The following PROS1 variants were observed in gnomAD, a reference collection of about 807,000 sequenced individuals.
PROS1 encodes protein S.
A neutral mutation model predicts 75.9 loss-of-function variants in PROS1; 29 were observed. That is an observed-to-expected ratio of 0.38 (90% CI 0.28 to 0.52). PROS1 has a LOEUF of 0.52. PROS1 is among the 20% of genes least tolerant of loss of function. The pLI is 0.83. For missense variants in PROS1, 680 were observed against 810.3 expected, an observed-to-expected ratio of 0.84 and a Z score of 1.95; for synonymous variants, 245 against 280.6, an observed-to-expected ratio of 0.87 and a Z score of 1.27.
chr3:93,894,013 C>T (rs1422261361), intron 9 of PROS1, among the ~76,000 whole-genome samples: 1 of 152,058 alleles, frequency 6.6e-6, no homozygotes, highest in Non-Finnish European at 1.5e-5. Context: ...TTCCAAGGGA[C>T]TAGCAAATCC....
intron 3 of PROS1, among the ~76,000 whole-genome samples, chr3:93,911,681 A>G (rs978451416): frequency 6.6e-6 from 1 of 152,156 alleles, no homozygotes; most frequent in African/African-American, 2.4e-5. Context: ...TCATGCTTCA[A>G]AGTTCTCCAC....
At chr3:93,967,427 T>C (rs1018137482) in intron 1 of PROS1, among the ~76,000 whole-genome samples, 10 of 152,344 alleles carry the variant, frequency 6.6e-5, no homozygotes, top group African/African-American at 2.2e-4. Context: ...GGAAGGATTA[T>C]AGTTTTCCTT....
At chr3:93,881,728 T>G (rs1187327535) in intron 12 of PROS1, among the ~76,000 whole-genome samples, 2 of 151,968 alleles carry the variant, frequency 1.3e-5, no homozygotes, top group African/African-American at 4.8e-5. Context: ...CTTGGCTAAT[T>G]TTTGTATTTT....
chr3:93,884,431 C>T (rs180849506), intron 12 of PROS1, among the ~76,000 whole-genome samples: 242 of 152,208 alleles, frequency 1.6e-3, no homozygotes, highest in Middle Eastern at 6.8e-3. Flanking sequence ...TTGATAGACT[C>T]CATACAAGTG....
At chr3:93,959,747 A>T (rs1256795131) in intron 1 of PROS1, among the ~76,000 whole-genome samples, 1 of 152,362 alleles carries the variant, frequency 6.6e-6, no homozygotes, top group East Asian at 1.9e-4. Flanking sequence ...AAAGTTATAG[A>T]CCATGTTTCA....
chr3:93,918,145 C>G (rs1576193704), intron 3 of PROS1, among the ~76,000 whole-genome samples: 1 of 152,108 alleles, frequency 6.6e-6, no homozygotes, highest in Admixed American at 6.5e-5. Context: ...TGTAAACACA[C>G]CAATCAGCAC....
At chr3:93,912,971 G>A (rs576392071) in intron 3 of PROS1, among the ~76,000 whole-genome samples, 6 of 152,214 alleles carry the variant, frequency 3.9e-5, no homozygotes, top group Admixed American at 6.5e-5. Flanking sequence ...TGCAAAATAC[G>A]TTCATTCCAT....
At chr3:93,949,430 C>T (rs1576211493) in intron 1 of PROS1, among the ~76,000 whole-genome samples, 1 of 151,796 alleles carries the variant, frequency 6.6e-6, no homozygotes, top group East Asian at 1.9e-4. Context: ...ACACTAAAGA[C>T]AAAATTGAAA....
At chr3:93,880,502 T>C (rs1275778629) in intron 12 of PROS1, among the ~76,000 whole-genome samples, 2 of 151,680 alleles carry the variant, frequency 1.3e-5, no homozygotes, top group Non-Finnish European at 2.9e-5. Flanking sequence ...TGAGACTCTG[T>C]CTCCAAAAAA....
chr3:93,943,018 G>A (rs533850077), intron 1 of PROS1, among the ~76,000 whole-genome samples: 169 of 152,254 alleles, frequency 1.1e-3, no homozygotes, highest in Middle Eastern at 6.8e-3. Context: ...AGTCCACTGC[G>A]GTCATTTCTT....
intron 12 of PROS1, among the ~76,000 whole-genome samples, chr3:93,884,206 A>G (rs1708313121): frequency 6.6e-6 from 1 of 152,356 alleles, no homozygotes; most frequent in African/African-American, 2.4e-5. Flanking sequence ...ACACTTGGTC[A>G]AGGGACAAAG....
chr3:93,877,656 G>C (rs906825973), intron 13 of PROS1, among the ~76,000 whole-genome samples: 9 of 152,060 alleles, frequency 5.9e-5, no homozygotes, highest in Non-Finnish European at 1.3e-4. Flanking sequence ...TACAGACTTG[G>C]GATAAAATAA....
chr3:93,873,300 G>A lies in PROS1; in HGVS notation c.*945C>T, dbSNP rs1708134243. 6.6e-6 allele frequency: 1 copy of A among 152,116 alleles called. No individual in the cohort carries two copies. The highest frequency in any genetic ancestry group is 2.4e-5 in the African/African-American group (1 of 41,422). 9.4% of individuals were successfully genotyped at this position (152,116 alleles called of 1,614,324 possible). Reference sequence around the variant, plus strand: ...GGCAATCTTACCTCCTTACTTCTTTGATTACAATGATACGATATTCACTAT... The same window carrying A: ...GGCAATCTTACCTCCTTACTTCTTTAATTACAATGATACGATATTCACTAT... On this transcript the variant is annotated 3_prime_UTR_variant, in exon 15 of 15. Coordinates refer to ENST00000394236, the MANE Select transcript of PROS1 (RefSeq NM_000313.4).
chr3:93,966,989 G>C (rs551156465), intron 1 of PROS1, among the ~76,000 whole-genome samples: 1 of 152,252 alleles, frequency 6.6e-6, no homozygotes, highest in South Asian at 2.1e-4. Context: ...AAACACAGAA[G>C]TTTATAGGCC....
At chr3:93,921,500 G>A (rs1708943156) in intron 3 of PROS1, among the ~76,000 whole-genome samples, 1 of 152,102 alleles carries the variant, frequency 6.6e-6, no homozygotes, top group Non-Finnish European at 1.5e-5. Flanking sequence ...AAAACCATCT[G>A]GATCTGGGTT....
chr3:93,900,008 C>T (rs1708564444), intron 7 of PROS1, among the ~76,000 whole-genome samples: 1 of 151,946 alleles, frequency 6.6e-6, no homozygotes, highest in Non-Finnish European at 1.5e-5. Context: ...TACATACATA[C>T]ATATATATAT....
intron 12 of PROS1, among the ~76,000 whole-genome samples, chr3:93,884,059 C>T (rs1329849809): frequency 6.6e-6 from 1 of 152,138 alleles, no homozygotes; most frequent in Non-Finnish European, 1.5e-5. Flanking sequence ...TGATTCAATC[C>T]CATTACTAAG....
At position 93,906,061 on chromosome 3, in the gene PROS1, G is replaced by A. The variant is rs1708670795; in HGVS notation, c.429C>T (p.Cys143=). The change falls in exon 5 of 15, where the codon TGC becomes TGT. Residue 143 remains cysteine (C), a synonymous_variant. Transcript: ENST00000394236. ...SCKDGKASFT[C]TCKPGWQGEK... is the part of the protein sequence containing the mutation. ...CTCCTTGCCAACCTGGTTTACAAGT[G>A]CAAGTAAAAGAAGCTTTTCCATCTT... 1 of 1,614,102 alleles carries A rather than the reference G, an allele frequency of 6.2e-7. No individual in the cohort carries two copies. Among genetic ancestry groups the A allele is most frequent in the East Asian group, 2.2e-5 (1 of 44,862 alleles).
At chr3:93,957,620 T>A (rs1293177172) in intron 1 of PROS1, among the ~76,000 whole-genome samples, 1 of 152,182 alleles carries the variant, frequency 6.6e-6, no homozygotes, top group Non-Finnish European at 1.5e-5. Context: ...ATTTGCACGA[T>A]TTGATCGTTT....
Sources: gnomAD v4.1 joint callset for allele counts (sites outside exome capture counted in the v4.1 genomes callset) on GRCh38, gnomAD v4.1.1 for gene constraint, MANE v1.5 for transcripts, NCBI Gene and HGNC (gene_info 2026-07-23, HGNC 2026-07-21) for gene names.